ART5: variants seen among roughly 807,000 people sequenced by gnomAD.
The protein encoded by ART5 is ADP-ribosyltransferase 5.
ART5 carries 22 observed loss-of-function variants against 25.0 expected under a neutral mutation model. The observed-to-expected ratio is 0.88, with a 90% CI of 0.63 to 1.26. ART5 has a LOEUF of 1.26. Ranked by LOEUF, ART5 falls within the 50% of genes most tolerant of loss-of-function variation. The probability of loss-of-function intolerance (pLI) is 0.00; values close to 1 mark genes in which losing one functional copy is unlikely to be tolerated. For missense variants in ART5, 402 were observed against 372.8 expected (o/e 1.08, Z -0.64); for synonymous variants, 161 against 154.8 (o/e 1.04, Z -0.30).
Position 3,640,223 on chromosome 11 carries a change from T to C in ART5, c.206A>G (p.Glu69Gly). ...GTCCTCCCAGGTCTCCTGGGCTGCC[T>C]CCCAGGATTCCCGCAGCAGGGCATG... ...AHHALLRESWEAAQETWEDKR... is the reference protein window; with the variant it reads ...AHHALLRESWGAAQETWEDKR... The change falls in exon 2 of 4, where the codon GAG (glutamate) becomes GGG (glycine). Residue 69 changes from glutamate to glycine, a missense_variant. Glu to Gly is a moderately conservative substitution (Grantham distance 98). Coordinates refer to ENST00000397068, the MANE Select transcript of ART5 (RefSeq NM_053017.5). 1 of 1,613,844 alleles carries C rather than the reference T, an allele frequency of 6.2e-7. No individual in the cohort carries two copies. The highest frequency in any genetic ancestry group is 8.5e-7 in the Non-Finnish European group (1 of 1,180,042).
chr11:3,642,044 G>GCCCCCCA, upstream of ART5: 1 of 1,412,314 alleles, frequency 7.1e-7, no homozygotes, highest in African/African-American at 1.5e-5. Flanking sequence ...CCCGCCCCCC[G>GCCCCCCA]CCCCAAGTCT....
chr11:3,639,153 G>A (rs946953558), intron 2 of ART5, 118 bp from the exon 3 acceptor site: 2 of 1,180,460 alleles, frequency 1.7e-6, no homozygotes, highest in Non-Finnish European at 2.4e-6. Flanking sequence ...TTCACCTAAA[G>A]GGAAACTTCT....
chr11:3,639,959 A>G lies in ART5; in HGVS notation c.470T>C (p.Val157Ala). The G allele has an allele frequency of 1.2e-6, 2 of 1,613,776 alleles. No individual in the cohort carries two copies. Among genetic ancestry groups the G allele is most frequent in the Non-Finnish European group, 1.7e-6 (2 of 1,179,948 alleles). ...SGGCSRGPGE[V>A]VFRGVGSLRF... The stretch of plus-strand genomic sequence containing the variant: ...AAGGCTGCCCACACCTCGGAACACC[A>G]CCTCCCCAGGTCCCCTGCTGCAGCC... The change falls in exon 2 of 4, where the codon GTG becomes GCG. Residue 157 changes from valine (V) to alanine (A), a missense_variant. By Grantham distance (64) the Val-to-Ala change is moderately conservative. Transcript: ENST00000397068.
chr11:3,642,065 C>A, upstream of ART5: 1 of 1,422,598 alleles, frequency 7.0e-7, no homozygotes, highest in Non-Finnish European at 9.2e-7. Context: ...CCGCCCCCGA[C>A]TCCCCACACC....
At chr11:3,641,540 G>A (rs1316952846) in intron 1 of ART5, among the ~76,000 whole-genome samples, 8 of 152,168 alleles carry the variant, frequency 5.3e-5, no homozygotes, top group African/African-American at 1.9e-4. Flanking sequence ...AGGCTTTGCC[G>A]GGCTGTGCCT....
intron 2 of ART5, 70 bp from the exon 3 acceptor site, chr11:3,639,105 C>T: frequency 2.7e-6 from 4 of 1,492,252 alleles, no homozygotes; most frequent in Non-Finnish European, 3.6e-6. Flanking sequence ...CCCACCAGGC[C>T]CTGGCAGGGC....
At position 3,638,935 on chromosome 11, in the gene ART5, G is replaced by A. The variant is rs534545404; in HGVS notation, c.820+68C>T. ...AGCTGCACCCCTGCTGAAGGGAAAA[G>A]AGGAGGAAGGGGTCAGCAGGGTGAG... On this transcript the variant is annotated intron_variant, in intron 3 of 3. Coordinates refer to ENST00000397068, the MANE Select transcript of ART5 (RefSeq NM_053017.5). 14 of 1,580,968 alleles carry A rather than the reference G, an allele frequency of 8.9e-6. No individual in the cohort carries two copies. In the South Asian group the frequency reaches 1.0e-4, roughly 12 times the overall value.
At position 3,639,814 on chromosome 11, in the gene ART5, G is replaced by A; in HGVS notation, c.615C>T (p.Cys205=). 6.2e-7 allele frequency: 1 copy of A among 1,614,232 alleles called. No homozygotes were observed. The change falls in exon 2 of 4, where the codon TGC becomes TGT. Residue 205 remains cysteine (C), a synonymous_variant. Transcript: ENST00000397068. ...AGAAGGCCTGTATAGGGGCCCCAAA[G>A]CAAGTTGTTAGAGAGAAGAGGGTGG... is the stretch of plus-strand genomic sequence containing the variant. ...GNATLFSLTT[C]FGAPIQAFSV...
chr11:3,641,833 G>A lies in ART5; in HGVS notation c.30C>T (p.Leu10=), dbSNP rs746911791. The A allele has an allele frequency of 4.8e-5, 75 of 1,578,864 alleles. No homozygotes were observed. Among genetic ancestry groups the A allele is most frequent in the Non-Finnish European group, 6.2e-5 (72 of 1,163,352 alleles). MALAALMIA[L]GSLGLHTWQA... ...GCCAGGTGTGGAGGCCGAGGCTGCC[G>A]AGGGCGATCATCAAAGCCGCCAGCG... The change falls in exon 1 of 4, where the codon CTC becomes CTT. Residue 10 remains leucine, a synonymous_variant. Coordinates refer to ENST00000397068, the MANE Select transcript of ART5 (RefSeq NM_053017.5).
In ART5 at chr11:3,641,866, T is replaced by G; in HGVS notation, c.-4A>C. The stretch of plus-strand genomic sequence containing the variant: ...TCATCAAAGCCGCCAGCGCCATCCC[T>G]GGAGGAGACGTGAGGGCCAGGGGTC... On this transcript the variant is annotated 5_prime_UTR_variant, in exon 1 of 4. Transcript: ENST00000397068. 1 of 1,569,668 alleles carries G rather than the reference T, an allele frequency of 6.4e-7. No homozygotes were observed. Among genetic ancestry groups the G allele is most frequent in the Non-Finnish European group, 8.6e-7 (1 of 1,157,920 alleles).
In ART5 at chr11:3,640,011, C is replaced by G; in HGVS notation, c.418G>C (p.Ala140Pro). The stretch of plus-strand genomic sequence containing the variant: ...CCACTGCCTCGCAGCAGCTGCAGGG[C>G]CCGGATCAGGTAGAAATGCAGGGCC... ...FKALHFYLIRALQLLRGSGGC... is the reference protein window; with the variant it reads ...FKALHFYLIRPLQLLRGSGGC... Residue 140 changes from alanine (A) to proline (P), a missense_variant, in exon 2 of 4, where the codon GCC (alanine) becomes CCC (proline). Transcript: ENST00000397068. The G allele has an allele frequency of 6.2e-7, 1 of 1,614,150 alleles. No homozygotes were observed. Among genetic ancestry groups the G allele is most frequent in the Non-Finnish European group, 8.5e-7 (1 of 1,180,038 alleles).
In ART5 at chr11:3,639,769, G is replaced by A. The variant is rs770807658; in HGVS notation, c.660C>T (p.Arg220=). Residue 220 remains arginine, a synonymous_variant, in exon 2 of 4, where the codon CGC becomes CGT. Transcript: ENST00000397068. Reference sequence around the variant, plus strand: ...CTTCATGGGGGGGAATCAGCACCTCGCGCTCCTTGGGAAAGACAGAGAAGG... The same window carrying A: ...CTTCATGGGGGGGAATCAGCACCTCACGCTCCTTGGGAAAGACAGAGAAGG... ...IQAFSVFPKE[R]EVLIPPHEVF... The A allele has an allele frequency of 8.7e-6, 14 of 1,614,020 alleles. No individual in the cohort carries two copies. Among genetic ancestry groups the A allele is most frequent in the Middle Eastern group, 1.6e-4 (1 of 6,084 alleles).
Position 3,640,134 on chromosome 11 carries a change from A to G in ART5, c.295T>C (p.Tyr99His), listed in dbSNP as rs149699793. ...TACAAGGTGTTCGATGAGTTGGTGTAGACCATAATGGCTATTCCATTCTGG... is the reference window on the plus strand; with the variant it reads ...TACAAGGTGTTCGATGAGTTGGTGTGGACCATAATGGCTATTCCATTCTGG... ...KAQNGIAIMVYTNSSNTLYWE... is the reference protein window; with the variant it reads ...KAQNGIAIMVHTNSSNTLYWE... Residue 99 changes from tyrosine (Y) to histidine (H), a missense_variant, in exon 2 of 4, where the codon TAC becomes CAC. Coordinates refer to ENST00000397068, the MANE Select transcript of ART5 (RefSeq NM_053017.5). 41 of 1,614,204 alleles carry G rather than the reference A, an allele frequency of 2.5e-5. No individual in the cohort carries two copies. In the African/African-American group the frequency reaches 5.3e-4, roughly 21 times the overall value.
At chr11:3,642,365 C>T, upstream of ART5, 1 of 878,760 alleles carries the variant, frequency 1.1e-6, no homozygotes, top group Non-Finnish European at 1.4e-6. Context: ...CGCGCCAGGG[C>T]AGGGACTGAG....
chr11:3,642,143 G>T (rs1199359729), upstream of ART5: 4 of 1,300,308 alleles, frequency 3.1e-6, no homozygotes, highest in African/African-American at 1.5e-5. Context: ...GTTTGGCTCC[G>T]CCTGAGAGGG....
At chr11:3,640,773 G>A (rs900395378) in intron 1 of ART5, among the ~76,000 whole-genome samples, 8 of 152,230 alleles carry the variant, frequency 5.3e-5, no homozygotes, top group African/African-American at 1.2e-4. Flanking sequence ...ACGAAGTCTC[G>A]CTCTGTTGCC....
chr11:3,642,038 C>A (rs1036120023), upstream of ART5: 9 of 1,420,718 alleles, frequency 6.3e-6, no homozygotes, highest in South Asian at 8.9e-5. Flanking sequence ...TTATTGCCCG[C>A]CCCCCGCCCC....
At chr11:3,642,039 C>A (rs892804659), upstream of ART5, 6 of 1,430,388 alleles carry the variant, frequency 4.2e-6, no homozygotes, top group South Asian at 1.5e-5. Flanking sequence ...TATTGCCCGC[C>A]CCCCGCCCCA....
rs1302012764 is a variant in ART5 at position 3,639,979 on chromosome 11, G to A, written c.450C>T (p.Cys150=). 1.9e-6 allele frequency: 3 copies of A among 1,614,050 alleles called. No individual in the cohort carries two copies. The highest frequency in any genetic ancestry group is 2.7e-5 in the African/African-American group (2 of 74,938). ...ALQLLRGSGG[C]SRGPGEVVFR... is the part of the protein sequence containing the mutation. ...ACACCACCTCCCCAGGTCCCCTGCTGCAGCCCCCACTGCCTCGCAGCAGCT... is the reference window on the plus strand; with the variant it reads ...ACACCACCTCCCCAGGTCCCCTGCTACAGCCCCCACTGCCTCGCAGCAGCT... Residue 150 remains cysteine, a synonymous_variant, in exon 2 of 4, where the codon TGC becomes TGT. Transcript: ENST00000397068.
Sources: allele counts gnomAD v4.1 joint callset (sites outside exome capture counted in the v4.1 genomes callset), GRCh38; gene constraint gnomAD v4.1.1; transcripts MANE v1.5; gene names NCBI Gene and HGNC (gene_info 2026-07-23, HGNC 2026-07-21).